The following GNAS-AS1 variants were observed in gnomAD, a reference collection of about 807,000 sequenced individuals.
GNAS-AS1 encodes the protein GNAS antisense RNA 1.
intron 4 of GNAS-AS1, chr20:58,834,773 G>A (rs887134322): frequency 3.3e-5 from 5 of 152,190 alleles, no homozygotes; most frequent in Non-Finnish European, 5.9e-5. Context: ...AGACAGCTCC[G>A]AGCAATCTCT....
At chr20:58,842,378 A>C (rs2085772796) in intron 3 of GNAS-AS1, 1 of 398,154 alleles carries the variant, frequency 2.5e-6, no homozygotes, top group Non-Finnish European at 4.4e-6. Context: ...GCTTGAGATG[A>C]ATGACGGTCA....
intron 4 of GNAS-AS1, among the ~76,000 whole-genome samples, chr20:58,829,831 T>C (rs1271965479): frequency 6.6e-6 from 1 of 152,198 alleles, no homozygotes; most frequent in Non-Finnish European, 1.5e-5. Context: ...GCTTAGGTTA[T>C]AAGGAGACCT....
At chr20:58,830,398 CACT>C in intron 4 of GNAS-AS1, among the ~76,000 whole-genome samples, 2 of 137,800 alleles carry the variant, frequency 1.5e-5, no homozygotes, top group Non-Finnish European at 3.1e-5. Context: ...CCACCACCAT[CACT>C]GCCACACCAC....
chr20:58,845,964 GGTAA>G (rs1311503006), intron 2 of GNAS-AS1, among the ~76,000 whole-genome samples: 1 of 152,152 alleles, frequency 6.6e-6, no homozygotes, highest in Non-Finnish European at 1.5e-5. Flanking sequence ...TTTATTTTAG[GGTAA>G]GTATGTTACA....
At chr20:58,839,691 G>C in intron 4 of GNAS-AS1, 1 of 462,840 alleles carries the variant, frequency 2.2e-6, no homozygotes, top group Admixed American at 3.8e-5. Context: ...GCACATGCCC[G>C]GCAGAAGTCC....
intron 4 of GNAS-AS1, among the ~76,000 whole-genome samples, chr20:58,821,297 A>G (rs1372780924): frequency 6.6e-6 from 1 of 151,976 alleles, no homozygotes; most frequent in Non-Finnish European, 1.5e-5. Context: ...CTCTTTCCCC[A>G]GCTCCTGTGA....
chr20:58,842,309 T>A, intron 3 of GNAS-AS1: 1 of 397,958 alleles, frequency 2.5e-6, no homozygotes, highest in Non-Finnish European at 4.4e-6. Context: ...TGTCTCATTT[T>A]GCGCCGGCTT....
At chr20:58,830,589 A>AATCACCACCACCACC (rs1425401839) in intron 4 of GNAS-AS1, among the ~76,000 whole-genome samples, 146 of 35,728 alleles carry the variant, frequency 4.1e-3, no homozygotes, top group Non-Finnish European at 3.6e-3. Flanking sequence ...CCACCACCAC[A>AATCACCACCACCACC]ATCACCACCA....
At chr20:58,831,579 C>T (rs1238849393) in intron 4 of GNAS-AS1, among the ~76,000 whole-genome samples, 5 of 151,592 alleles carry the variant, frequency 3.3e-5, no homozygotes, top group South Asian at 2.1e-4. Flanking sequence ...TGCAGTGAGC[C>T]GAGATTGAGC....
At chr20:58,835,285 G>A (rs76680157) in intron 4 of GNAS-AS1, among the ~76,000 whole-genome samples, 6,725 of 152,104 alleles carry the variant, frequency 0.044, 227 homozygotes, top group African/African-American at 0.088. Flanking sequence ...GATTATACCC[G>A]CTCACCAGGC....
In GNAS-AS1 at chr20:58,841,917, C is replaced by T. The variant is rs1170824864; in HGVS notation, n.819+20G>A. The T allele has an allele frequency of 8.2e-7, 1 of 1,218,102 alleles. No individual in the cohort carries two copies. Among genetic ancestry groups the T allele is most frequent in the Non-Finnish European group, 1.0e-6 (1 of 975,714 alleles). 75.5% of individuals were successfully genotyped at this position (1,218,102 alleles called of 1,614,324 possible). ...GACAGGCTGGAGACGGGGGTCGCGTCTAACATCAGGATAACTTACAATTCG... is the reference window on the plus strand; with the variant it reads ...GACAGGCTGGAGACGGGGGTCGCGTTTAACATCAGGATAACTTACAATTCG... On this transcript the variant is annotated intron_variant and non_coding_transcript_variant, in intron 4 of 4. Coordinates refer to ENST00000424094, the Ensembl canonical transcript of GNAS-AS1. This position sits in a 1 kb window ranked among gnomAD's most constrained non-coding sequence, Gnocchi z 5.0.
chr20:58,836,014 T>C (rs575193253), intron 4 of GNAS-AS1, among the ~76,000 whole-genome samples: 1 of 151,926 alleles, frequency 6.6e-6, no homozygotes, highest in African/African-American at 2.4e-5. Flanking sequence ...CAACACTCCT[T>C]CCTGTCACTG....
intron 4 of GNAS-AS1, among the ~76,000 whole-genome samples, chr20:58,820,758 G>A (rs751768330): frequency 1.3e-5 from 2 of 152,242 alleles, no homozygotes; most frequent in African/African-American, 2.4e-5. Context: ...CGCTTGCGCA[G>A]GCAAACTCCC....
At chr20:58,838,895 T>G (rs2085635495) in intron 4 of GNAS-AS1, 1 of 362,396 alleles carries the variant, frequency 2.8e-6, no homozygotes, top group Non-Finnish European at 4.6e-6. Context: ...CCAGCTTGGG[T>G]GACAGAGCAA....
intron 4 of GNAS-AS1, among the ~76,000 whole-genome samples, chr20:58,819,433 G>A (rs574775031): frequency 8.5e-5 from 13 of 152,342 alleles, no homozygotes; most frequent in African/African-American, 2.4e-4. Context: ...TTACTTTCAC[G>A]GGCAATCTTT....
intron 4 of GNAS-AS1, among the ~76,000 whole-genome samples, chr20:58,819,407 C>A (rs1316875483): frequency 6.6e-6 from 1 of 152,234 alleles, no homozygotes; most frequent in Non-Finnish European, 1.5e-5. Context: ...ACGGCCAGAA[C>A]GGCCATCAGT....
intron 2 of GNAS-AS1, among the ~76,000 whole-genome samples, chr20:58,843,168 C>T (rs1306455990): frequency 3.9e-5 from 6 of 151,920 alleles, no homozygotes; most frequent in African/African-American, 9.7e-5. Flanking sequence ...TACCTACCGG[C>T]ACACACTCTC....
intron 4 of GNAS-AS1, among the ~76,000 whole-genome samples, chr20:58,831,108 GAAT>G (rs2085566312): frequency 6.6e-6 from 1 of 152,020 alleles, no homozygotes. Flanking sequence ...GAACCCAAAA[GAAT>G]AAACTAAAAA....
In GNAS-AS1 at chr20:58,840,756, G is replaced by A. The variant is rs769719956; in HGVS notation, n.819+1181C>T. ...GAGCCCAAGGAGGAGAAGCAGCGGC[G>A]TCGCTGCAAGCCAAAGAAGCCCACC... is the stretch of plus-strand genomic sequence containing the variant. On this transcript the variant is annotated intron_variant and non_coding_transcript_variant, in intron 4 of 4. Transcript: ENST00000424094. The surrounding 1 kb of genome is among the most constrained non-coding windows in gnomAD (Gnocchi z 6.0). 8 of 1,606,538 alleles carry A rather than the reference G, an allele frequency of 5.0e-6. No individual in the cohort carries two copies. The highest frequency in any genetic ancestry group is 2.7e-5 in the African/African-American group (2 of 74,906).
Sources: gnomAD v4.1 joint callset for allele counts (sites outside exome capture counted in the v4.1 genomes callset) on GRCh38, gnomAD v4.1.1 for gene constraint, Gnocchi (gnomAD v3.1) non-coding constraint, MANE v1.5 for transcripts, NCBI Gene and HGNC (gene_info 2026-07-23, HGNC 2026-07-21) for gene names.